Variants in SHPK observed in about 807,000 individuals in gnomAD.
SHPK encodes the protein sedoheptulokinase.
A neutral mutation model predicts 46.3 loss-of-function variants in SHPK; 51 were observed. That is an observed-to-expected ratio of 1.10 (90% CI 0.88 to 1.39). The LOEUF (loss-of-function observed/expected upper bound fraction) is 1.39. Among genes scored for constraint, SHPK ranks in the 40% most tolerant of loss-of-function variants. The pLI, the probability that SHPK is intolerant of heterozygous loss-of-function variation, is 0.00. For missense variants in SHPK, 668 were observed against 641.3 expected (o/e 1.04, Z -0.45); for synonymous variants, 290 against 273.9 (o/e 1.06, Z -0.58).
intron 2 of SHPK, among the ~76,000 whole-genome samples, chr17:3,628,520 A>C (rs1247552833): frequency 6.6e-6 from 1 of 151,978 alleles, no homozygotes; most frequent in East Asian, 1.9e-4. Flanking sequence ...ATGGGGTTTC[A>C]CCATGTTGGC....
intron 3 of SHPK, 27 bp downstream of exon 3, chr17:3,624,021 C>T (rs1253129373): frequency 6.3e-7 from 1 of 1,580,736 alleles, no homozygotes; most frequent in South Asian, 1.1e-5. Flanking sequence ...AAACCCAGCA[C>T]CCGAGTGAAA....
At chr17:3,612,632 T>G (rs1457656736) in intron 6 of SHPK, among the ~76,000 whole-genome samples, 1 of 152,104 alleles carries the variant, frequency 6.6e-6, no homozygotes, top group Non-Finnish European at 1.5e-5. Flanking sequence ...GGGCTGGAAT[T>G]TGTAAACACT....
At chr17:3,613,406 C>G (rs747329983) in intron 6 of SHPK, among the ~76,000 whole-genome samples, 13 of 152,170 alleles carry the variant, frequency 8.5e-5, no homozygotes, top group Non-Finnish European at 1.5e-4. Flanking sequence ...TGTTTAACCT[C>G]TGCAAATGCA....
intron 6 of SHPK, 30 bp from the exon 7 acceptor site, chr17:3,611,002 C>T: frequency 6.4e-7 from 1 of 1,568,318 alleles, no homozygotes. Context: ...TCTGTGTAAG[C>T]TCATGCGTCC....
chr17:3,620,354 G>A (rs529039558), intron 5 of SHPK, among the ~76,000 whole-genome samples: 24 of 151,760 alleles, frequency 1.6e-4, no homozygotes, highest in Admixed American at 1.3e-4. Flanking sequence ...TCTGCCTTCC[G>A]GGTTCACACC....
At chr17:3,623,698 A>T (rs2075416241) in intron 3 of SHPK, among the ~76,000 whole-genome samples, 1 of 152,132 alleles carries the variant, frequency 6.6e-6, no homozygotes, top group Non-Finnish European at 1.5e-5. Context: ...GCCCCAGGGG[A>T]AGGGCCTGAG....
At chr17:3,631,410 A>G (rs1026998571) in intron 1 of SHPK, among the ~76,000 whole-genome samples, 1 of 151,318 alleles carries the variant, frequency 6.6e-6, no homozygotes, top group African/African-American at 2.4e-5. Context: ...CAATACTGAA[A>G]TCGTTAGCCA....
chr17:3,622,300 C>A (rs2075407919), intron 4 of SHPK, among the ~76,000 whole-genome samples: 1 of 152,180 alleles, frequency 6.6e-6, no homozygotes, highest in South Asian at 2.1e-4. Flanking sequence ...GCTTAGGATT[C>A]ACCTTCCAGG....
At chr17:3,615,994 C>T (rs887849096) in intron 5 of SHPK, among the ~76,000 whole-genome samples, 1 of 151,950 alleles carries the variant, frequency 6.6e-6, no homozygotes, top group Non-Finnish European at 1.5e-5. Flanking sequence ...GCTGCGATTA[C>T]AGGTACCCAC....
intron 2 of SHPK, among the ~76,000 whole-genome samples, chr17:3,629,694 C>T (rs937545487): frequency 6.7e-6 from 1 of 148,828 alleles, no homozygotes; most frequent in African/African-American, 2.5e-5. Context: ...CGCCACTGCA[C>T]TCCAGCCTGG....
chr17:3,613,703 T>C (rs772722768), intron 6 of SHPK, among the ~76,000 whole-genome samples: 5 of 152,248 alleles, frequency 3.3e-5, no homozygotes, highest in Non-Finnish European at 7.4e-5. Flanking sequence ...TATCTTTCTT[T>C]AGTAAAAGTT....
chr17:3,610,703 T>C lies in SHPK; in HGVS notation c.1294A>G (p.Ser432Gly), dbSNP rs1170504771. 6.2e-7 allele frequency: 1 copy of C among 1,614,062 alleles called. No homozygotes were observed. The highest frequency in any genetic ancestry group is 8.5e-7 in the Non-Finnish European group (1 of 1,180,000). The change falls in exon 7 of 7, where the codon AGT (serine) becomes GGT (glycine). Residue 432 changes from serine (S) to glycine (G), a missense_variant. By Grantham distance (56) the Ser-to-Gly change is moderately conservative. Coordinates refer to ENST00000225519, the MANE Select transcript of SHPK (RefSeq NM_013276.4). ...AGCACGTCATTCCTGGACAGCGCAC[T>C]CCCACTGCCCATCACCCTCTCCACG... Reference protein sequence around the residue: ...WGVERVMGSGSALSRNDVLKQ... With the variant: ...WGVERVMGSGGALSRNDVLKQ...
intron 1 of SHPK, among the ~76,000 whole-genome samples, chr17:3,632,501 T>C (rs1166989631): frequency 6.6e-6 from 1 of 152,054 alleles, no homozygotes; most frequent in African/African-American, 2.4e-5. Flanking sequence ...GTGCGTGAGT[T>C]GTGTGGGGGG....
intron 2 of SHPK, among the ~76,000 whole-genome samples, chr17:3,625,879 C>G (rs1321658073): frequency 1.3e-5 from 2 of 152,082 alleles, no homozygotes; most frequent in Non-Finnish European, 2.9e-5. Context: ...ATGGCGAAAC[C>G]CCATCTCTAC....
In SHPK at chr17:3,610,947, C is replaced by T. The variant is rs1429983289; in HGVS notation, c.1050G>A (p.Val350=). 1 of 1,609,118 alleles carries T rather than the reference C, an allele frequency of 6.2e-7. No individual in the cohort carries two copies. The highest frequency in any genetic ancestry group is 8.5e-7 in the Non-Finnish European group (1 of 1,176,104). Residue 350 remains valine (V), a synonymous_variant, in exon 7 of 7, where the codon GTG becomes GTA. Coordinates refer to ENST00000225519, the MANE Select transcript of SHPK (RefSeq NM_013276.4). The part of the protein sequence containing the change: ...DLGLEVEEST[V]YSRMIQAAVQ... ...CAGCTGCCTGAATCATGCGTGAATA[C>T]ACAGTGGATTCTTCAACCTCCAGGC...
rs113415647 is a variant in SHPK at position 3,615,552 on chromosome 17, G to A, written c.824-15C>T. 1 of 1,613,120 alleles carries A rather than the reference G, an allele frequency of 6.2e-7. No homozygotes were observed. The highest frequency in any genetic ancestry group is 8.5e-7 in the Non-Finnish European group (1 of 1,179,192). ...GATGTTGAGAACTGGGGTCCGAAGAGAGCAGAGCTTAGGCCTGTCGGGCTA... is the reference window on the plus strand; with the variant it reads ...GATGTTGAGAACTGGGGTCCGAAGAAAGCAGAGCTTAGGCCTGTCGGGCTA... On this transcript the variant is annotated splice_polypyrimidine_tract_variant and intron_variant, in intron 5 of 6. Transcript: ENST00000225519.
intron 1 of SHPK, among the ~76,000 whole-genome samples, chr17:3,631,050 G>A (rs1002987117): frequency 2.6e-5 from 4 of 152,044 alleles, no homozygotes; most frequent in African/African-American, 7.2e-5. Flanking sequence ...TCCCCTCCTC[G>A]GAAAACCTCT....
intron 1 of SHPK, among the ~76,000 whole-genome samples, chr17:3,634,571 CAA>C (rs11311796): frequency 1.7e-3 from 157 of 89,740 alleles, no homozygotes; most frequent in South Asian, 9.6e-3. Flanking sequence ...GACCCTGTCT[CAA>C]AAAAAAAAAA....
At chr17:3,635,227 A>AAGGAAGGAAGGAAGGT (rs2075506721) in intron 1 of SHPK, among the ~76,000 whole-genome samples, 1 of 131,784 alleles carries the variant, frequency 7.6e-6, no homozygotes, top group African/African-American at 2.6e-5. Context: ...GGAAGGAAGG[A>AAGGAAGGAAGGAAGGT]AGGAAGGAAG....
Sources: gnomAD v4.1 joint callset for allele counts (sites outside exome capture counted in the v4.1 genomes callset) on GRCh38, gnomAD v4.1.1 for gene constraint, MANE v1.5 for transcripts, NCBI Gene and HGNC (gene_info 2026-07-23, HGNC 2026-07-21) for gene names.